ZC3H12B: variants seen among roughly 807,000 people sequenced by gnomAD.
The protein encoded by ZC3H12B is probable ribonuclease ZC3H12B.
Under a neutral mutation model 43.9 loss-of-function variants are expected in ZC3H12B, and 7 were observed. The ratio of observed to expected loss-of-function variants is 0.16; its 90% CI spans 0.09 to 0.30. The LOEUF is 0.30. Among genes scored for constraint, ZC3H12B ranks in the 10% least tolerant of loss-of-function variants. The probability of loss-of-function intolerance (pLI) is 1.00; values close to 1 mark genes in which losing one functional copy is unlikely to be tolerated. For missense variants in ZC3H12B, 475 were observed against 670.2 expected (o/e 0.71, Z 3.22); for synonymous variants, 222 against 241.7 (o/e 0.92, Z 0.76).
the ZC3H12B span, among the ~76,000 whole-genome samples, chrX:65,278,956 T>C: frequency 6.3e-5 from 7 of 111,622 alleles, no homozygotes; most frequent in Non-Finnish European, 1.3e-4. Flanking sequence ...GCTCCATCCA[T>C]GTTCCCGCAA....
At chrX:65,332,963 T>C in the ZC3H12B span, among the ~76,000 whole-genome samples, 1 of 112,036 alleles carries the variant, frequency 8.9e-6, no homozygotes, top group Non-Finnish European at 1.9e-5. Flanking sequence ...AAGCTCTTTT[T>C]AAATTGTCTT....
upstream of ZC3H12B, among the ~76,000 whole-genome samples, chrX:65,363,887 C>T (rs772942297): frequency 6.3e-5 from 7 of 111,440 alleles, no homozygotes; most frequent in East Asian, 1.7e-3. Context: ...CTTTGTGCTC[C>T]CCAGTTCCTT....
At chrX:65,077,332 C>T in the ZC3H12B span, among the ~76,000 whole-genome samples, 1 of 111,634 alleles carries the variant, frequency 9.0e-6, no homozygotes, top group Non-Finnish European at 1.9e-5. Context: ...TGGTGGTGCC[C>T]TGGGTTTGGA....
chrX:65,227,031 C>T, the ZC3H12B span, among the ~76,000 whole-genome samples: 12,245 of 110,731 alleles, frequency 0.11, 1,639 homozygotes, highest in African/African-American at 0.38. Context: ...ACCAAGCGGA[C>T]CTAATAGACG....
the ZC3H12B span, among the ~76,000 whole-genome samples, chrX:65,338,666 T>C: frequency 8.9e-6 from 1 of 112,397 alleles, no homozygotes; most frequent in Non-Finnish European, 1.9e-5. Context: ...TAATTTTCCA[T>C]GCTCAAGTAG....
intron 2 of ZC3H12B, among the ~76,000 whole-genome samples, chrX:65,390,634 C>A (rs894225602): frequency 9.1e-6 from 1 of 109,920 alleles, no homozygotes; most frequent in Non-Finnish European, 1.9e-5. Context: ...CTTCAACCCC[C>A]ACCCCCACCT....
chrX:65,035,012 C>A, the ZC3H12B span, among the ~76,000 whole-genome samples: 13 of 112,486 alleles, frequency 1.2e-4, no homozygotes, highest in Non-Finnish European at 2.1e-4. Context: ...GGGTCCGGGC[C>A]GCTGGGCGAG....
At chrX:65,344,141 G>A in the ZC3H12B span, among the ~76,000 whole-genome samples, 1 of 112,101 alleles carries the variant, frequency 8.9e-6, no homozygotes, top group Non-Finnish European at 1.9e-5. Context: ...AAAGATTTCT[G>A]CAATGAGAAC....
chrX:65,341,074 A>G, the ZC3H12B span, among the ~76,000 whole-genome samples: 2 of 112,458 alleles, frequency 1.8e-5, no homozygotes, highest in Non-Finnish European at 3.8e-5. Context: ...CAAAAGTATT[A>G]ATAGCAGAAT....
At chrX:65,403,103 T>C (rs1442635078) in intron 3 of ZC3H12B, among the ~76,000 whole-genome samples, 3 of 112,095 alleles carry the variant, frequency 2.7e-5, no homozygotes, top group Non-Finnish European at 5.6e-5. Context: ...AAATTCAGAA[T>C]TTTATCAGAT....
the ZC3H12B span, among the ~76,000 whole-genome samples, chrX:65,360,201 G>A: frequency 1.8e-5 from 2 of 112,397 alleles, no homozygotes; most frequent in East Asian, 2.8e-4. Flanking sequence ...AAAATCATGT[G>A]AGTCACTTTA....
the ZC3H12B span, among the ~76,000 whole-genome samples, chrX:65,171,318 G>A: frequency 2.7e-5 from 3 of 111,297 alleles, no homozygotes; most frequent in African/African-American, 9.8e-5. Flanking sequence ...TCCAGACCCT[G>A]TTTTCCTGGG....
chrX:65,361,027 G>T, the ZC3H12B span, among the ~76,000 whole-genome samples: 1 of 111,906 alleles, frequency 8.9e-6, no homozygotes, highest in East Asian at 2.8e-4. Context: ...GAATTATTTG[G>T]TAAGCTATAA....
At chrX:65,356,051 A>T in the ZC3H12B span, among the ~76,000 whole-genome samples, 1 of 112,019 alleles carries the variant, frequency 8.9e-6, no homozygotes, top group East Asian at 2.8e-4. Flanking sequence ...TCTAAAACAA[A>T]TTTTTTCTCC....
At chrX:65,115,545 C>T in the ZC3H12B span, among the ~76,000 whole-genome samples, 2 of 111,023 alleles carry the variant, frequency 1.8e-5, no homozygotes, top group Admixed American at 9.6e-5. Flanking sequence ...TCGTATAATG[C>T]CTTGTTTTCC....
At chrX:65,323,968 G>A in the ZC3H12B span, among the ~76,000 whole-genome samples, 35 of 112,247 alleles carry the variant, frequency 3.1e-4, no homozygotes, top group African/African-American at 1.1e-3. Context: ...TTCTTCATAT[G>A]TTTCTTGGCC....
At chrX:65,407,825 G>A (rs1176968123) in intron 3 of ZC3H12B, among the ~76,000 whole-genome samples, 1 of 113,294 alleles carries the variant, frequency 8.8e-6, no homozygotes, top group East Asian at 2.8e-4. Flanking sequence ...CTCCGCGCAG[G>A]TTATTGAAGC....
intron 3 of ZC3H12B, among the ~76,000 whole-genome samples, chrX:65,459,970 G>A (rs1417645515): frequency 1.8e-5 from 2 of 111,833 alleles, no homozygotes; most frequent in Admixed American, 9.5e-5. Context: ...CATCATCTCA[G>A]CCCAAAATCT....
At chrX:65,136,343 C>T in the ZC3H12B span, among the ~76,000 whole-genome samples, 1 of 110,932 alleles carries the variant, frequency 9.0e-6, no homozygotes, top group African/African-American at 3.3e-5. Context: ...ATGGCCTTTA[C>T]TGACACTGTG....
Sources: gnomAD v4.1 joint callset for allele counts (sites outside exome capture counted in the v4.1 genomes callset) on GRCh38, gnomAD v4.1.1 for gene constraint, MANE v1.5 for transcripts, NCBI Gene and HGNC (gene_info 2026-07-23, HGNC 2026-07-21) for gene names.